The following SHANK2 variants were observed in gnomAD, a reference collection of about 807,000 sequenced individuals.
The protein encoded by SHANK2 is SH3 and multiple ankyrin repeat domains 2.
Under a neutral mutation model 133.7 loss-of-function variants are expected in SHANK2, and 43 were observed. That is an observed-to-expected ratio of 0.32 (90% CI 0.25 to 0.41). The LOEUF (loss-of-function observed/expected upper bound fraction) is 0.41. Ranked by LOEUF, SHANK2 falls within the 10% of genes least tolerant of loss-of-function variation. The pLI, the probability that SHANK2 is intolerant of heterozygous loss-of-function variation, is 1.00. For missense variants in SHANK2, 1,994 were observed against 2,235.8 expected (o/e 0.89, Z 2.18); for synonymous variants, 1,017 against 952.8 (o/e 1.07, Z -1.24).
chr11:71,211,537 C>CAA (rs201831418), intron 2 of SHANK2, among the ~76,000 whole-genome samples: 3 of 134,472 alleles, frequency 2.2e-5, no homozygotes, highest in African/African-American at 8.4e-5. Flanking sequence ...GATCCTGTCT[C>CAA]AAAAAAAAAT....
chr11:71,140,546 T>C (rs1330573416), intron 3 of SHANK2, among the ~76,000 whole-genome samples: 2 of 152,214 alleles, frequency 1.3e-5, no homozygotes, highest in African/African-American at 4.8e-5. Flanking sequence ...AGGACCTCAG[T>C]GGCTGAGATG....
intron 2 of SHANK2, among the ~76,000 whole-genome samples, chr11:71,210,221 T>C (rs1300653788): frequency 3.2e-5 from 2 of 61,960 alleles, no homozygotes; most frequent in Non-Finnish European, 6.4e-5. Flanking sequence ...TATATATATA[T>C]ATATATATAT....
intron 8 of SHANK2, among the ~76,000 whole-genome samples, chr11:71,086,672 G>T (rs1245117279): frequency 6.6e-6 from 1 of 151,460 alleles, no homozygotes; most frequent in Non-Finnish European, 1.5e-5. Flanking sequence ...ATGAGATCCT[G>T]CTAGAGATGG....
At chr11:71,199,479 A>C (rs1001124702) in intron 2 of SHANK2, among the ~76,000 whole-genome samples, 3 of 152,262 alleles carry the variant, frequency 2.0e-5, no homozygotes, top group African/African-American at 7.2e-5. Flanking sequence ...TGAAGGTTGC[A>C]GTCACGCCCC....
intron 17 of SHANK2, chr11:70,603,526 A>T (rs184812344): frequency 6.6e-6 from 1 of 152,402 alleles, no homozygotes; most frequent in East Asian, 1.9e-4. Context: ...TAGGCACACA[A>T]ATCATTCTTG....
At chr11:70,685,079 C>T (rs1354159452) in intron 15 of SHANK2, among the ~76,000 whole-genome samples, 1 of 152,074 alleles carries the variant, frequency 6.6e-6, no homozygotes, top group Admixed American at 6.5e-5. Flanking sequence ...AAGCCATTCC[C>T]CCAGATGGTG....
intron 9 of SHANK2, among the ~76,000 whole-genome samples, chr11:71,071,143 T>C (rs1951136498): frequency 6.6e-6 from 1 of 152,228 alleles, no homozygotes; most frequent in Non-Finnish European, 1.5e-5. Context: ...AATTAAGGAA[T>C]GTTTTTTCCA....
intron 11 of SHANK2, among the ~76,000 whole-genome samples, chr11:70,870,632 C>A (rs1225748382): frequency 2.0e-5 from 3 of 152,134 alleles, no homozygotes; most frequent in Admixed American, 2.0e-4. Flanking sequence ...AGACTCTGTT[C>A]CAGGCCTGTC....
chr11:70,684,004 G>A (rs972525883), intron 15 of SHANK2, among the ~76,000 whole-genome samples: 2 of 152,012 alleles, frequency 1.3e-5, no homozygotes, highest in East Asian at 3.9e-4. Flanking sequence ...GGCTGGTCTC[G>A]AACTTCTGGC....
chr11:71,191,558 T>C (rs547958127), intron 2 of SHANK2, among the ~76,000 whole-genome samples: 73 of 152,232 alleles, frequency 4.8e-4, no homozygotes, highest in African/African-American at 1.7e-3. Flanking sequence ...CTCTGTTTTT[T>C]GTTTTGTTTT....
At chr11:70,924,178 C>A (rs1208888631) in intron 10 of SHANK2, among the ~76,000 whole-genome samples, 1 of 152,200 alleles carries the variant, frequency 6.6e-6, no homozygotes, top group Non-Finnish European at 1.5e-5. Flanking sequence ...CACCACCCTG[C>A]ACCGTTACCA....
chr11:71,236,212 G>A (rs1255109805), intron 1 of SHANK2, among the ~76,000 whole-genome samples: 1 of 152,170 alleles, frequency 6.6e-6, no homozygotes, highest in Non-Finnish European at 1.5e-5. Flanking sequence ...ACTGAAATTA[G>A]CTTATCAACA....
intron 14 of SHANK2, among the ~76,000 whole-genome samples, chr11:70,735,234 T>A (rs1415747703): frequency 6.6e-6 from 1 of 152,144 alleles, no homozygotes; most frequent in Non-Finnish European, 1.5e-5. Context: ...CTTGTGAGTG[T>A]TCTGCAAGTG....
At chr11:70,838,909 G>C (rs539123639) in intron 11 of SHANK2, among the ~76,000 whole-genome samples, 1 of 152,174 alleles carries the variant, frequency 6.6e-6, no homozygotes, top group African/African-American at 2.4e-5. Flanking sequence ...TCTAATTAAT[G>C]TGGGCCTTAC....
intron 17 of SHANK2, among the ~76,000 whole-genome samples, chr11:70,641,650 T>C (rs1228575768): frequency 6.6e-6 from 1 of 152,106 alleles, no homozygotes; most frequent in Non-Finnish European, 1.5e-5. Flanking sequence ...GTATTCAGGA[T>C]GGAGGAGCTG....
chr11:70,930,697 T>C (rs1950491688), intron 10 of SHANK2, among the ~76,000 whole-genome samples: 1 of 137,718 alleles, frequency 7.3e-6, no homozygotes, highest in South Asian at 2.5e-4. Flanking sequence ...AATGTCTCAC[T>C]CAGTTTCCCA....
At chr11:70,585,362 G>T (rs2060235212) in intron 17 of SHANK2, among the ~76,000 whole-genome samples, 1 of 152,200 alleles carries the variant, frequency 6.6e-6, no homozygotes, top group African/African-American at 2.4e-5. Context: ...GGCAGAGTGG[G>T]GCAGGGACAG....
At chr11:70,758,468 AGG>A (rs1946920962) in intron 14 of SHANK2, among the ~76,000 whole-genome samples, 1 of 152,218 alleles carries the variant, frequency 6.6e-6, no homozygotes, top group Non-Finnish European at 1.5e-5. Flanking sequence ...ATTGGGCTAG[AGG>A]CTCGCCATTG....
At chr11:70,523,578 G>A (rs1441057599) in intron 17 of SHANK2, among the ~76,000 whole-genome samples, 4 of 152,158 alleles carry the variant, frequency 2.6e-5, no homozygotes, top group Admixed American at 6.5e-5. Context: ...ACTGCAGCCC[G>A]GCTTTCCCAC....
Sources: allele counts gnomAD v4.1 joint callset (sites outside exome capture counted in the v4.1 genomes callset), GRCh38; gene constraint gnomAD v4.1.1; transcripts MANE v1.5; gene names NCBI Gene and HGNC (gene_info 2026-07-23, HGNC 2026-07-21).